The following FAT3 variants were observed in gnomAD, a reference collection of about 807,000 sequenced individuals.
FAT3 encodes protocadherin Fat 3.
FAT3 carries 95 observed loss-of-function variants against 310.2 expected under a neutral mutation model. The ratio of observed to expected loss-of-function variants is 0.31; its 90% CI spans 0.26 to 0.36. FAT3 has a LOEUF of 0.36. Ranked by LOEUF, FAT3 falls within the 10% of genes least tolerant of loss-of-function variation. The probability of loss-of-function intolerance (pLI) is 1.00; values close to 1 mark genes in which losing one functional copy is unlikely to be tolerated. For missense variants in FAT3, 5,408 were observed against 5,715.6 expected, an observed-to-expected ratio of 0.95 and a Z score of 1.74; for synonymous variants, 2,314 against 2,192.9, an observed-to-expected ratio of 1.06 and a Z score of -1.54.
chr11:92,730,131 C>CT (rs1945134139), intron 4 of FAT3, among the ~76,000 whole-genome samples: 1 of 152,038 alleles, frequency 6.6e-6, no homozygotes. Context: ...CACTTGAGGC[C>CT]TAGAGACCAG....
intron 2 of FAT3, among the ~76,000 whole-genome samples, chr11:92,447,483 G>A (rs1478918026): frequency 6.6e-6 from 1 of 152,082 alleles, no homozygotes; most frequent in African/African-American, 2.4e-5. Flanking sequence ...TGAATGTGTA[G>A]TAAGAGCTAA....
intron 3 of FAT3, among the ~76,000 whole-genome samples, chr11:92,671,052 GTT>G: frequency 6.8e-6 from 1 of 148,010 alleles, no homozygotes; most frequent in Admixed American, 6.8e-5. Context: ...TTTGTTTTTT[GTT>G]TTTTTTTTAA....
intron 1 of FAT3, among the ~76,000 whole-genome samples, chr11:92,343,933 T>G (rs1382938384): frequency 6.6e-6 from 1 of 152,162 alleles, no homozygotes; most frequent in Non-Finnish European, 1.5e-5. Context: ...CCAATTTTAT[T>G]TCACAAAACA....
At chr11:92,806,541 A>G in intron 12 of FAT3, 26 bp downstream of exon 12, 3 of 1,525,438 alleles carry the variant, frequency 2.0e-6, no homozygotes, top group Non-Finnish European at 1.8e-6. Flanking sequence ...TTATTGAGAT[A>G]AATGTCATTG....
At chr11:92,538,725 A>G (rs1032691233) in intron 3 of FAT3, among the ~76,000 whole-genome samples, 6 of 152,164 alleles carry the variant, frequency 3.9e-5, no homozygotes, top group Non-Finnish European at 5.9e-5. Flanking sequence ...CTCACAGTTC[A>G]GAATAATTTC....
chr11:92,571,456 A>C (rs1955661702), intron 3 of FAT3, among the ~76,000 whole-genome samples: 1 of 152,224 alleles, frequency 6.6e-6, no homozygotes, highest in African/African-American at 2.4e-5. Flanking sequence ...TAACTGCCCT[A>C]GTGGAGCACA....
At chr11:92,652,028 C>T (rs1043570738) in intron 3 of FAT3, among the ~76,000 whole-genome samples, 2 of 152,098 alleles carry the variant, frequency 1.3e-5, no homozygotes, top group Non-Finnish European at 2.9e-5. Flanking sequence ...TATACCTAGC[C>T]CCACAGAGAG....
intron 3 of FAT3, among the ~76,000 whole-genome samples, chr11:92,587,095 A>G (rs1419614994): frequency 2.0e-5 from 3 of 152,008 alleles, no homozygotes; most frequent in Non-Finnish European, 4.4e-5. Context: ...ACTTTCTTTT[A>G]GAGAAGGCCA....
At chr11:92,710,221 G>A (rs989289901) in intron 4 of FAT3, among the ~76,000 whole-genome samples, 2 of 152,200 alleles carry the variant, frequency 1.3e-5, no homozygotes, top group African/African-American at 4.8e-5. Context: ...TAGACTGAGC[G>A]ATCCAGTGTT....
At chr11:92,796,686 G>A (rs1337088134) in intron 9 of FAT3, among the ~76,000 whole-genome samples, 1 of 152,194 alleles carries the variant, frequency 6.6e-6, no homozygotes, top group African/African-American at 2.4e-5. Context: ...AGAAGTATGA[G>A]AAAGCCTGAT....
At chr11:92,407,247 C>T (rs1292593819) in intron 2 of FAT3, among the ~76,000 whole-genome samples, 2 of 152,064 alleles carry the variant, frequency 1.3e-5, no homozygotes, top group African/African-American at 2.4e-5. Context: ...GGGATATTTT[C>T]GAGAGAATGA....
intron 6 of FAT3, chr11:92,766,530 TAG>T (rs1180759012): frequency 8.5e-5 from 13 of 152,246 alleles, no homozygotes; most frequent in African/African-American, 3.1e-4. Flanking sequence ...CAAACCTCTA[TAG>T]AGAGTCCTCT....
rs1004842793 is a variant in FAT3, at chr11:92,225,096, G to C, written c.-96G>C. ...CAGCCGGGGGACCGGCTCGCCCGGAGCAAGAGCGCCGAGCACCGGGTGAAG... is the reference window on the plus strand; with the variant it reads ...CAGCCGGGGGACCGGCTCGCCCGGACCAAGAGCGCCGAGCACCGGGTGAAG... On this transcript the variant is annotated 5_prime_UTR_variant, in exon 1 of 28. Transcript: ENST00000525166. 1.3e-5 allele frequency among the ~76,000 whole-genome samples: 2 copies of C among 152,128 alleles called. No individual in the cohort carries two copies. Among genetic ancestry groups the C allele is most frequent in the African/African-American group, 4.8e-5 (2 of 41,440 alleles).
At chr11:92,593,807 G>A (rs1939565461) in intron 3 of FAT3, among the ~76,000 whole-genome samples, 1 of 152,128 alleles carries the variant, frequency 6.6e-6, no homozygotes, top group African/African-American at 2.4e-5. Flanking sequence ...TATAACATAT[G>A]ATTCCATTGC....
chr11:92,703,574 C>A (rs1477392927), intron 4 of FAT3, among the ~76,000 whole-genome samples: 1 of 152,346 alleles, frequency 6.6e-6, no homozygotes, highest in East Asian at 1.9e-4. Flanking sequence ...GCACCACACA[C>A]AATTAATGCC....
intron 1 of FAT3, among the ~76,000 whole-genome samples, chr11:92,282,144 G>A (rs1183317415): frequency 6.6e-6 from 1 of 152,062 alleles, no homozygotes; most frequent in East Asian, 1.9e-4. Flanking sequence ...GACTTCAGGT[G>A]ATCTGCCTGC....
chr11:92,426,942 A>G (rs2135005551), intron 2 of FAT3, among the ~76,000 whole-genome samples: 1 of 152,300 alleles, frequency 6.6e-6, no homozygotes, highest in Non-Finnish European at 1.5e-5. Flanking sequence ...TGGGTATAGC[A>G]TTGAACCTAT....
intron 21 of FAT3, among the ~76,000 whole-genome samples, chr11:92,864,808 T>C (rs540663006): frequency 2.6e-5 from 4 of 151,956 alleles, no homozygotes; most frequent in Non-Finnish European, 5.9e-5. Flanking sequence ...ACAGTGAGAC[T>C]CCATCTAAAA....
intron 19 of FAT3, among the ~76,000 whole-genome samples, chr11:92,855,623 A>G (rs1042663217): frequency 4.6e-5 from 7 of 152,232 alleles, no homozygotes; most frequent in African/African-American, 1.7e-4. Context: ...CAGGTGTTTT[A>G]AGTTCCATGA....
Sources: allele counts gnomAD v4.1 joint callset (sites outside exome capture counted in the v4.1 genomes callset), GRCh38; gene constraint gnomAD v4.1.1; transcripts MANE v1.5; gene names NCBI Gene and HGNC (gene_info 2026-07-23, HGNC 2026-07-21).